The following ERCC1 variants were observed in gnomAD, a reference collection of about 807,000 sequenced individuals.
ERCC1 encodes the protein DNA excision repair protein ERCC-1.
Under a neutral mutation model 37.6 loss-of-function variants are expected in ERCC1, and 36 were observed. The ratio of observed to expected loss-of-function variants is 0.96; its 90% CI spans 0.73 to 1.26. The LOEUF (loss-of-function observed/expected upper bound fraction) is 1.26. Among genes scored for constraint, ERCC1 ranks in the 50% most tolerant of loss-of-function variants. ERCC1 has a pLI of 0.00. For missense variants in ERCC1, 349 were observed against 376.5 expected (o/e 0.93, Z 0.60); for synonymous variants, 156 against 162.1 (o/e 0.96, Z 0.28).
intron 1 of ERCC1, among the ~76,000 whole-genome samples, chr19:45,432,833 G>A (rs538334571): frequency 8.5e-4 from 128 of 150,870 alleles, no homozygotes; most frequent in Non-Finnish European, 1.4e-3. Flanking sequence ...TTGGGAGGCC[G>A]AGGTGGGCGG....
chr19:45,424,182 A>G (rs943790337), upstream of ERCC1: 1 of 366,610 alleles, frequency 2.7e-6, no homozygotes, highest in South Asian at 1.2e-4. Flanking sequence ...TTTGAATCCA[A>G]CTCAGACATT....
At position 45,407,908 on chromosome 19, in the gene ERCC1, G is replaced by A; in HGVS notation, c.*1767C>T. The A allele has an allele frequency of 2.2e-6, 1 of 446,660 alleles. No homozygotes were observed. Among genetic ancestry groups the A allele is most frequent in the South Asian group, 5.6e-5 (1 of 17,854 alleles). 27.7% of individuals were successfully genotyped at this position (446,660 alleles called of 1,614,324 possible). A position where few individuals can be genotyped will look rare whatever the true frequency, so the allele number is the denominator to read the frequency against. On this transcript the variant is annotated 3_prime_UTR_variant, in exon 10 of 10. Transcript: ENST00000300853. Reference sequence around the variant, plus strand: ...GTCTCTACTAAAAATACAAAAATTGGCTGGGCGTGGTGGCAGGTGCCTGTA... The same window carrying A: ...GTCTCTACTAAAAATACAAAAATTGACTGGGCGTGGTGGCAGGTGCCTGTA...
At chr19:45,426,378 CAAAAAAAAAA>C (rs71173164), upstream of ERCC1, among the ~76,000 whole-genome samples, 2 of 55,394 alleles carry the variant, frequency 3.6e-5, no homozygotes, top group East Asian at 5.9e-4. Context: ...GACTCTGTCT[CAAAAAAAAAA>C]AAAAAAAAAA....
Position 45,420,177 on chromosome 19 carries a change from C to T in ERCC1, c.425+147G>A. ...GGCACCTCCAGGCCAAGACCCCCTG[C>T]CTCCAACACAGGGTCCCACCAAGGC... is the stretch of plus-strand genomic sequence containing the variant. On this transcript the variant is annotated intron_variant, in intron 4 of 9. Transcript: ENST00000300853. The surrounding 1 kb of genome is among the most constrained non-coding windows in gnomAD (Gnocchi z 4.8). 5 of 682,704 alleles carry T rather than the reference C, an allele frequency of 7.3e-6. No homozygotes were observed. Among genetic ancestry groups the T allele is most frequent in the Non-Finnish European group, 8.0e-6 (3 of 373,652 alleles). 42.3% of individuals were successfully genotyped at this position (682,704 alleles called of 1,614,324 possible).
chr19:45,449,690 C>T lies in ERCC1; in HGVS notation c.-7-26309G>A, dbSNP rs968894009. Among the ~76,000 whole-genome samples the T allele has an allele frequency of 2.6e-5, 4 of 151,520 alleles. No individual in the cohort carries two copies. The East Asian group carries it at 5.9e-4, about 22-fold the overall frequency. On this transcript the variant is annotated intron_variant, in intron 1 of 8. Coordinates refer to the ERCC1 transcript ENST00000423698. ...AAAAAAAACCAACAAAATGGCCGGG[C>T]GCGGTGGGTCACGCCTGTAATCCCA...
chr19:45,445,555 G>A (rs889056981), intron 1 of ERCC1, among the ~76,000 whole-genome samples: 2 of 152,168 alleles, frequency 1.3e-5, no homozygotes, highest in African/African-American at 2.4e-5. Context: ...ATTTTAAATG[G>A]GATGGTCAGG....
chr19:45,411,159 A>G (rs943773822), intron 9 of ERCC1, among the ~76,000 whole-genome samples: 8 of 152,120 alleles, frequency 5.3e-5, no homozygotes, highest in African/African-American at 1.9e-4. Flanking sequence ...AAGAGTATCC[A>G]TTGTGTGTAA....
rs759906101 is a variant in ERCC1 at position 45,408,726 on chromosome 19, G to A, written c.*949C>T. ...CTGTTCCCGTCCACCACCAAGAAGA[G>A]GAAGAAGCCCAAAGGGAAAGAAACC... is the stretch of plus-strand genomic sequence containing the variant. On this transcript the variant is annotated 3_prime_UTR_variant, in exon 10 of 10. Transcript: ENST00000300853. 2.5e-6 allele frequency: 4 copies of A among 1,613,964 alleles called. No homozygotes were observed. Among genetic ancestry groups the A allele is most frequent in the Non-Finnish European group, 3.4e-6 (4 of 1,180,014 alleles).
chr19:45,436,677 TCTTGCTCTATTGCCTACGCTGATCTCAAA>T (rs2123590239), intron 1 of ERCC1: 1 of 151,712 alleles, frequency 6.6e-6, no homozygotes, highest in East Asian at 1.9e-4. Context: ...GGGGGCGGGG[TCTTGCTCTATTGCCTACGCTGATCTCAAA>T]CTCCTGGCCT....
upstream of ERCC1, among the ~76,000 whole-genome samples, chr19:45,427,871 G>C (rs979315159): frequency 3.9e-5 from 6 of 152,230 alleles, no homozygotes; most frequent in Middle Eastern, 3.4e-3. Flanking sequence ...CCTAGAAGGC[G>C]GCCCATTCCC....
chr19:45,407,627 T>G lies in ERCC1; in HGVS notation c.*2048A>C, dbSNP rs1973424960. Reference sequence around the variant, plus strand: ...TCTGCAGGCTTGGTGGAACATGTTCTGTATGGCCATAAATATTCTGTAATT... The same window carrying G: ...TCTGCAGGCTTGGTGGAACATGTTCGGTATGGCCATAAATATTCTGTAATT... On this transcript the variant is annotated 3_prime_UTR_variant, in exon 10 of 10. Coordinates refer to ENST00000300853, the MANE Select transcript of ERCC1 (RefSeq NM_001983.4). 3.6e-6 allele frequency: 1 copy of G among 274,612 alleles called. No individual in the cohort carries two copies. Among genetic ancestry groups the G allele is most frequent in the African/African-American group, 2.2e-5 (1 of 45,798 alleles). 17.0% of individuals were successfully genotyped at this position (274,612 alleles called of 1,614,324 possible).
At position 45,423,886 on chromosome 19, in the gene ERCC1, G is replaced by A. The variant is rs930854966; in HGVS notation, c.-113C>T. 1 of 1,105,402 alleles carries A rather than the reference G, an allele frequency of 9.0e-7. No homozygotes were observed. Among genetic ancestry groups the A allele is most frequent in the South Asian group, 3.5e-5 (1 of 28,708 alleles). The allele number at this position is 1,105,402 out of a possible 1,614,324, so 68.5% of individuals were successfully genotyped here. On this transcript the variant is annotated 5_prime_UTR_variant, in exon 1 of 10. Coordinates refer to ENST00000300853, the MANE Select transcript of ERCC1 (RefSeq NM_001983.4). ...GATCGAGGCGGCCCACTGCCAGCAC[G>A]GCCAGCGTGGCCCAGGGCTCGCAGC...
intron 1 of ERCC1, among the ~76,000 whole-genome samples, chr19:45,449,899 G>T (rs1226076576): frequency 2.0e-5 from 3 of 152,142 alleles, no homozygotes; most frequent in African/African-American, 7.2e-5. Context: ...GGGAGGCAAA[G>T]GTTGCCGTGA....
rs768000297 is a variant in ERCC1, at chr19:45,408,738, A to C, written c.*937T>G. The C allele has an allele frequency of 4.3e-6, 7 of 1,613,930 alleles. No homozygotes were observed. Among genetic ancestry groups the C allele is most frequent in the Non-Finnish European group, 5.9e-6 (7 of 1,179,974 alleles). On this transcript the variant is annotated 3_prime_UTR_variant, in exon 10 of 10. Transcript: ENST00000300853. ...ACCACCAAGAAGAGGAAGAAGCCCA[A>C]AGGGAAAGAAACCTTCGAGCCAGAA...
chr19:45,451,282 A>C (rs940607419), intron 1 of ERCC1, among the ~76,000 whole-genome samples: 1 of 151,758 alleles, frequency 6.6e-6, no homozygotes. Context: ...AACCATCACA[A>C]CCAAAATAGG....
chr19:45,413,505 G>T, intron 9 of ERCC1, 172 bp downstream of exon 9: 1 of 1,431,390 alleles, frequency 7.0e-7, no homozygotes, highest in Non-Finnish European at 9.9e-7. Context: ...CCAACTTCTG[G>T]CCTCAAGCAG....
At chr19:45,437,191 GTGAGCC>G (rs1201212372) in intron 1 of ERCC1, among the ~76,000 whole-genome samples, 1 of 152,184 alleles carries the variant, frequency 6.6e-6, no homozygotes, top group Admixed American at 6.6e-5. Flanking sequence ...AGAGGTTGCA[GTGAGCC>G]TTGATCACGC....
chr19:45,415,132 G>A (rs1037407472), intron 6 of ERCC1, among the ~76,000 whole-genome samples, 172 bp from the exon 7 acceptor site: 2 of 151,876 alleles, frequency 1.3e-5, no homozygotes, highest in African/African-American at 4.8e-5. Flanking sequence ...TCAGGAGTTC[G>A]AGACCAGCCT....
upstream of ERCC1, chr19:45,428,851 G>A (rs939880578): frequency 2.6e-5 from 4 of 152,158 alleles, no homozygotes; most frequent in Non-Finnish European, 5.9e-5. Context: ...GACGCAGGGG[G>A]GCCCGAGTGG....
Sources: allele counts gnomAD v4.1 joint callset (sites outside exome capture counted in the v4.1 genomes callset), GRCh38; gene constraint gnomAD v4.1.1; non-coding constraint Gnocchi (gnomAD v3.1); transcripts MANE v1.5; gene names NCBI Gene and HGNC (gene_info 2026-07-23, HGNC 2026-07-21).